The following ZFPM2 variants were observed in gnomAD, a reference collection of about 807,000 sequenced individuals.
The protein encoded by ZFPM2 is zinc finger protein ZFPM2.
Under a neutral mutation model 98.6 loss-of-function variants are expected in ZFPM2, and 20 were observed. The ratio of observed to expected loss-of-function variants is 0.20; its 90% CI spans 0.14 to 0.29. The LOEUF (loss-of-function observed/expected upper bound fraction) is 0.29. Ranked by LOEUF, ZFPM2 falls within the 10% of genes least tolerant of loss-of-function variation. The pLI, the probability that ZFPM2 is intolerant of heterozygous loss-of-function variation, is 1.00. For synonymous variants in ZFPM2, 518 were observed against 502.7 expected, an observed-to-expected ratio of 1.03 and a Z score of -0.41; for missense variants, 1,310 against 1,388.6, an observed-to-expected ratio of 0.94 and a Z score of 0.90.
intron 4 of ZFPM2, among the ~76,000 whole-genome samples, chr8:105,579,383 C>T (rs1302932462): frequency 6.6e-6 from 1 of 152,110 alleles, no homozygotes; most frequent in Admixed American, 6.6e-5. Context: ...CAAATTTCTT[C>T]CCCCATCTTC....
chr8:105,778,472 A>G (rs1481025252), intron 5 of ZFPM2, among the ~76,000 whole-genome samples: 1 of 150,928 alleles, frequency 6.6e-6, no homozygotes, highest in African/African-American at 2.5e-5. Flanking sequence ...GTATGTCTGC[A>G]TGTGTCTGAG....
chr8:105,331,168 T>TACACAC (rs113815707), intron 1 of ZFPM2, among the ~76,000 whole-genome samples: 22,122 of 146,564 alleles, frequency 0.15, 2,058 homozygotes, highest in Middle Eastern at 0.26. Flanking sequence ...ATATATATTA[T>TACACAC]ACACACACAC....
chr8:105,487,417 C>T (rs1175713639), intron 3 of ZFPM2, among the ~76,000 whole-genome samples: 4 of 152,140 alleles, frequency 2.6e-5, no homozygotes, highest in African/African-American at 9.7e-5. Flanking sequence ...CCATATCCAG[C>T]CACAATATGT....
intron 4 of ZFPM2, among the ~76,000 whole-genome samples, chr8:105,619,474 G>A (rs1195383864): frequency 6.6e-6 from 1 of 151,624 alleles, no homozygotes; most frequent in Non-Finnish European, 1.5e-5. Flanking sequence ...AAATGTTACT[G>A]AATAAATAAT....
In ZFPM2 at chr8:105,802,693, G is replaced by A. The variant is rs1386563555; in HGVS notation, c.2611G>A (p.Ala871Thr). Residue 871 changes from alanine to threonine, a missense_variant, in exon 8 of 8, where the codon GCC (alanine) becomes ACC (threonine). Ala to Thr is a moderately conservative substitution (Grantham distance 58). Transcript: ENST00000407775. ...ISFNKVENYL[A>T]HKQNFCPVTA... ...TTTCAATAAGGTAGAAAACTATCTG[G>A]CCCACAAGCAGAATTTCTGCCCGGT... 1.9e-6 allele frequency: 3 copies of A among 1,611,494 alleles called. No individual in the cohort carries two copies.
chr8:105,346,323 G>A (rs186526972), intron 1 of ZFPM2, among the ~76,000 whole-genome samples: 438 of 151,758 alleles, frequency 2.9e-3, no homozygotes, highest in Admixed American at 1.0e-2. Context: ...GGCGGAGGTT[G>A]CAGTGAGCCG....
At chr8:105,725,821 C>T (rs1166311167) in intron 5 of ZFPM2, among the ~76,000 whole-genome samples, 1 of 151,630 alleles carries the variant, frequency 6.6e-6, no homozygotes, top group Non-Finnish European at 1.5e-5. Flanking sequence ...TCAGCTCTTA[C>T]CACACAGCAT....
intron 5 of ZFPM2, among the ~76,000 whole-genome samples, chr8:105,732,722 G>A (rs1246634433): frequency 6.6e-6 from 1 of 151,772 alleles, no homozygotes; most frequent in Non-Finnish European, 1.5e-5. Flanking sequence ...CAGTAATCTA[G>A]GGAGGTCTGA....
At position 105,647,824 on chromosome 8, in the gene ZFPM2, A is replaced by ATG. The variant is rs1817081550; in HGVS notation, c.532+13467_532+13468insTG. The stretch of plus-strand genomic sequence containing the variant: ...CCAACTCTTTGCTGTTGTGAATAGC[A>ATG]CCACAATAAATATACGTGTGCATGT... On this transcript the variant is annotated intron_variant, in intron 5 of 7. Coordinates refer to ENST00000407775, the MANE Select transcript of ZFPM2 (RefSeq NM_012082.4). 2.0e-5 allele frequency among the ~76,000 whole-genome samples: 3 copies of ATG among 151,874 alleles called. No homozygotes were observed. In the South Asian group the frequency reaches 6.2e-4, roughly 32 times the overall value.
intron 3 of ZFPM2, among the ~76,000 whole-genome samples, chr8:105,523,380 G>A (rs530532360): frequency 2.0e-5 from 3 of 152,264 alleles, no homozygotes; most frequent in Non-Finnish European, 4.4e-5. Context: ...AATGACGAGC[G>A]ATTTCCAAAC....
intron 6 of ZFPM2, among the ~76,000 whole-genome samples, chr8:105,794,640 A>G (rs973020812): frequency 6.6e-6 from 1 of 152,182 alleles, no homozygotes. Context: ...AAGTCTGCAG[A>G]GGTTACTGCT....
intron 1 of ZFPM2, among the ~76,000 whole-genome samples, chr8:105,393,488 G>A (rs1480069179): frequency 1.3e-5 from 2 of 151,800 alleles, no homozygotes; most frequent in Admixed American, 6.6e-5. Context: ...AGGAATTAAA[G>A]ATACTCATTT....
intron 5 of ZFPM2, among the ~76,000 whole-genome samples, chr8:105,682,073 G>T (rs2130922668): frequency 6.6e-6 from 1 of 152,268 alleles, no homozygotes; most frequent in South Asian, 2.1e-4. Flanking sequence ...TTTCACAAAT[G>T]ACGTACAAGA....
intron 4 of ZFPM2, among the ~76,000 whole-genome samples, chr8:105,584,891 C>G (rs1268445121): frequency 6.6e-6 from 1 of 152,064 alleles, no homozygotes; most frequent in African/African-American, 2.4e-5. Flanking sequence ...AAAGGTAGAA[C>G]GTTGGTTATG....
chr8:105,664,700 G>A (rs534834798), intron 5 of ZFPM2, among the ~76,000 whole-genome samples: 1 of 152,096 alleles, frequency 6.6e-6, no homozygotes, highest in East Asian at 1.9e-4. Flanking sequence ...CTTGAAAGAT[G>A]GAATTTTATT....
At chr8:105,363,336 A>G (rs1165042676) in intron 1 of ZFPM2, among the ~76,000 whole-genome samples, 1 of 152,164 alleles carries the variant, frequency 6.6e-6, no homozygotes, top group Non-Finnish European at 1.5e-5. Context: ...TACATTTTAC[A>G]AGATCATTTG....
At chr8:105,340,784 T>C (rs1407351458) in intron 1 of ZFPM2, among the ~76,000 whole-genome samples, 3 of 151,914 alleles carry the variant, frequency 2.0e-5, no homozygotes, top group African/African-American at 7.2e-5. Flanking sequence ...ATTCTAGAGG[T>C]TGGCAACAGG....
At chr8:105,493,159 A>G (rs1427119524) in intron 3 of ZFPM2, among the ~76,000 whole-genome samples, 1 of 152,178 alleles carries the variant, frequency 6.6e-6, no homozygotes, top group African/African-American at 2.4e-5. Context: ...TTGCAAATTA[A>G]AAGTTTGTTC....
chr8:105,357,458 T>TGTGGTAAGCAG (rs1380815250), intron 1 of ZFPM2, among the ~76,000 whole-genome samples: 2 of 152,222 alleles, frequency 1.3e-5, no homozygotes, highest in African/African-American at 2.4e-5. Context: ...CTCATAGCAA[T>TGTGGTAAGCAG]GTGGTAAGCA....
Sources: gnomAD v4.1 joint callset for allele counts (sites outside exome capture counted in the v4.1 genomes callset) on GRCh38, gnomAD v4.1.1 for gene constraint, MANE v1.5 for transcripts, NCBI Gene and HGNC (gene_info 2026-07-23, HGNC 2026-07-21) for gene names.